ELOVL6: variants seen among roughly 807,000 people sequenced by gnomAD.
The protein encoded by ELOVL6 is very long chain fatty acid elongase 6.
Under a neutral mutation model 31.7 loss-of-function variants are expected in ELOVL6, and 8 were observed. The ratio of observed to expected loss-of-function variants is 0.25; its 90% CI spans 0.15 to 0.45. The LOEUF is 0.45. Ranked by LOEUF, ELOVL6 falls within the 20% of genes least tolerant of loss-of-function variation. ELOVL6 has a pLI of 1.00. For synonymous variants in ELOVL6, 101 were observed against 117.7 expected (o/e 0.86, Z 0.92); for missense variants, 126 against 326.4 (o/e 0.39, Z 4.73).
At chr4:110,081,510 T>C (rs1755850695) in intron 2 of ELOVL6, among the ~76,000 whole-genome samples, 2 of 152,146 alleles carry the variant, frequency 1.3e-5, no homozygotes, top group African/African-American at 4.8e-5. Flanking sequence ...CCCTATTTAA[T>C]AAATGGTGCT....
chr4:110,069,610 GA>G (rs1479309906), intron 2 of ELOVL6, among the ~76,000 whole-genome samples: 1 of 152,180 alleles, frequency 6.6e-6, no homozygotes, highest in East Asian at 1.9e-4. Context: ...TATAGACAAA[GA>G]AACAGGCACA....
chr4:110,098,611 C>A (rs954211413), intron 2 of ELOVL6, among the ~76,000 whole-genome samples: 31 of 152,016 alleles, frequency 2.0e-4, no homozygotes, highest in African/African-American at 7.2e-4. Context: ...CTGAGGTTTT[C>A]GTGCATATTT....
At chr4:110,088,224 T>C (rs1351969344) in intron 2 of ELOVL6, among the ~76,000 whole-genome samples, 1 of 152,176 alleles carries the variant, frequency 6.6e-6, no homozygotes, top group African/African-American at 2.4e-5. Context: ...ATTAGAGTAT[T>C]GTAGCTTATA....
chr4:110,183,979 CTCAA>C (rs1036449816), intron 1 of ELOVL6, among the ~76,000 whole-genome samples: 3 of 152,080 alleles, frequency 2.0e-5, no homozygotes, highest in Admixed American at 6.6e-5. Flanking sequence ...GAGACCCTGT[CTCAA>C]TCAATCAATC....
intron 2 of ELOVL6, among the ~76,000 whole-genome samples, chr4:110,080,686 C>T (rs1755812801): frequency 6.6e-6 from 1 of 152,160 alleles, no homozygotes; most frequent in South Asian, 2.1e-4. Context: ...TGGCACAAGA[C>T]AGGGATGCCC....
intron 1 of ELOVL6, among the ~76,000 whole-genome samples, chr4:110,123,089 C>T (rs6533492): frequency 0.82 from 124,893 of 152,180 alleles, 52,030 homozygotes; most frequent in East Asian, 1. Flanking sequence ...CAGGACTTTA[C>T]GTCTTTCCTC....
At chr4:110,191,274 T>C (rs1759613759) in intron 1 of ELOVL6, among the ~76,000 whole-genome samples, 1 of 152,192 alleles carries the variant, frequency 6.6e-6, no homozygotes, top group Non-Finnish European at 1.5e-5. Flanking sequence ...AATCAGAATC[T>C]GGATAAAGGA....
intron 1 of ELOVL6, among the ~76,000 whole-genome samples, chr4:110,168,888 C>A (rs1412568489): frequency 6.6e-6 from 1 of 152,108 alleles, no homozygotes; most frequent in Non-Finnish European, 1.5e-5. Flanking sequence ...GTTCATGAAG[C>A]CTTTAGTGGG....
At chr4:110,195,245 G>C (rs560225486) in intron 1 of ELOVL6, among the ~76,000 whole-genome samples, 1 of 152,182 alleles carries the variant, frequency 6.6e-6, no homozygotes, top group East Asian at 1.9e-4. Flanking sequence ...AACCTCCCGA[G>C]TAGCTGGGAT....
intron 1 of ELOVL6, among the ~76,000 whole-genome samples, chr4:110,189,613 A>AAAAG (rs1553963363): frequency 1.6e-4 from 17 of 105,244 alleles, no homozygotes; most frequent in African/African-American, 4.5e-4. Context: ...AAAAAAAAAA[A>AAAAG]AGAGAGAGAG....
At chr4:110,052,418 C>T (rs1224573588) in intron 3 of ELOVL6, among the ~76,000 whole-genome samples, 2 of 152,356 alleles carry the variant, frequency 1.3e-5, no homozygotes, top group East Asian at 1.9e-4. Flanking sequence ...CAAAAATCCT[C>T]TTCTATACAC....
At chr4:110,141,761 TTAG>T (rs1403097598) in intron 1 of ELOVL6, among the ~76,000 whole-genome samples, 1 of 146,008 alleles carries the variant, frequency 6.8e-6, no homozygotes, top group African/African-American at 2.5e-5. Flanking sequence ...TAGTATTGTA[TTAG>T]TATATATATA....
chr4:110,088,745 AAGAC>A (rs1273817912), intron 2 of ELOVL6, among the ~76,000 whole-genome samples: 4 of 152,192 alleles, frequency 2.6e-5, no homozygotes, highest in Admixed American at 2.6e-4. Context: ...CTGTGACACA[AAGAC>A]AGTCTGATCA....
intron 1 of ELOVL6, among the ~76,000 whole-genome samples, chr4:110,167,653 T>TTATG (rs33925081): frequency 0.022 from 3,042 of 139,578 alleles, 43 homozygotes; most frequent in East Asian, 0.031. Context: ...ACCACCTCAG[T>TTATG]TATGTATGTA....
chr4:110,112,704 C>T (rs1757069091), intron 1 of ELOVL6, among the ~76,000 whole-genome samples: 2 of 151,738 alleles, frequency 1.3e-5, no homozygotes, highest in Admixed American at 1.3e-4. Context: ...GAAACCCCCT[C>T]TCTACTAAAA....
At chr4:110,104,453 C>T (rs1209416092) in intron 2 of ELOVL6, among the ~76,000 whole-genome samples, 1 of 152,068 alleles carries the variant, frequency 6.6e-6, no homozygotes, top group East Asian at 1.9e-4. Context: ...AGGGATCCAA[C>T]ATTATGGAAA....
At chr4:110,160,239 C>T (rs1019807555) in intron 1 of ELOVL6, among the ~76,000 whole-genome samples, 1 of 152,146 alleles carries the variant, frequency 6.6e-6, no homozygotes, top group Non-Finnish European at 1.5e-5. Context: ...ACAGGTAGAG[C>T]ATTTTCACTG....
intron 1 of ELOVL6, among the ~76,000 whole-genome samples, chr4:110,156,331 G>C (rs140364189): frequency 1.9e-3 from 294 of 152,084 alleles, no homozygotes; most frequent in African/African-American, 6.7e-3. Flanking sequence ...GAAAGGTAAG[G>C]GCTTTTCCAA....
intron 2 of ELOVL6, among the ~76,000 whole-genome samples, chr4:110,091,220 T>A (rs2126239688): frequency 6.6e-6 from 1 of 152,230 alleles, no homozygotes. Flanking sequence ...GTCAATTAGA[T>A]TAGAACACAC....
Sources: allele counts gnomAD v4.1 joint callset (sites outside exome capture counted in the v4.1 genomes callset), GRCh38; gene constraint gnomAD v4.1.1; transcripts MANE v1.5; gene names NCBI Gene and HGNC (gene_info 2026-07-23, HGNC 2026-07-21).